TTBK1: variants seen among roughly 807,000 people sequenced by gnomAD.
TTBK1 encodes tau tubulin kinase 1.
A neutral mutation model predicts 108.5 loss-of-function variants in TTBK1; 34 were observed. That is an observed-to-expected ratio of 0.31 (90% confidence interval 0.24 to 0.42). TTBK1 has a LOEUF of 0.42. Among genes scored for constraint, TTBK1 ranks in the 10% least tolerant of loss-of-function variants. The pLI, the probability that TTBK1 is intolerant of heterozygous loss-of-function variation, is 1.00. For synonymous variants in TTBK1, 809 were observed against 795.1 expected (o/e 1.02, Z -0.29); for missense variants, 1,539 against 1,826.0 (o/e 0.84, Z 2.86).
intron 13 of TTBK1, chr6:43,272,574 C>T: frequency 1.0e-6 from 1 of 985,416 alleles, no homozygotes; most frequent in Non-Finnish European, 1.2e-6. Context: ...TTTTGTATAT[C>T]CTCCATGGTG....
chr6:43,259,552 C>T lies in TTBK1; in HGVS notation c.1270C>T (p.Gln424Ter). 1 of 1,594,900 alleles carries T rather than the reference C, an allele frequency of 6.3e-7. No individual in the cohort carries two copies. Among genetic ancestry groups the T allele is most frequent in the Non-Finnish European group, 8.5e-7 (1 of 1,171,234 alleles). Residue 424 changes from glutamine to a stop codon, truncating the protein, a stop_gained, in exon 12 of 15, where the codon CAG becomes TAG. Coordinates refer to ENST00000259750, the MANE Select transcript of TTBK1 (RefSeq NM_032538.3). LOFTEE classifies it high-confidence loss of function. This position sits in a 1 kb window ranked among gnomAD's most constrained non-coding sequence, Gnocchi z 6.7. ...IGKSPCVEEE[Q>*]SRGMGVPSSP... ...GCAGAGCCCCTGTGTGGAGGAGGAACAGAGCCGAGGCATGGGGGTCCCCAG... is the reference window on the plus strand; with the variant it reads ...GCAGAGCCCCTGTGTGGAGGAGGAATAGAGCCGAGGCATGGGGGTCCCCAG...
chr6:43,281,810 G>A (rs1405619702), intron 13 of TTBK1, among the ~76,000 whole-genome samples: 3 of 152,180 alleles, frequency 2.0e-5, no homozygotes, highest in Non-Finnish European at 2.9e-5. Flanking sequence ...GCCCTGATGC[G>A]CCCAGGGCAT....
rs140339775 is a variant in TTBK1 at position 43,253,314 on chromosome 6, A to G, written c.280A>G (p.Ile94Val). Residue 94 changes from isoleucine (I) to valine (V), a missense_variant, in exon 4 of 15, where the codon ATT (isoleucine) becomes GTT (valine). Around this residue, in one of 5 missense-constraint regions of TTBK1, gnomAD observed 155 missense variants for 348.5 expected, o/e 0.44. Transcript: ENST00000259750. This position sits in a 1 kb window ranked among gnomAD's most constrained non-coding sequence, Gnocchi z 5.8. The part of the protein sequence containing the change: ...LQGKDHVCRF[I>V]GCGRNEKFNY... ...AGGGAAGGACCATGTGTGCAGGTTC[A>G]TTGGCTGTGGCAGGAACGAGAAGTT... 6.6e-4 allele frequency: 1,073 copies of G among 1,614,124 alleles called. 1 individual carries two copies. The highest frequency in any genetic ancestry group is 8.3e-4 in the Non-Finnish European group (982 of 1,180,008).
In TTBK1 at chr6:43,258,918, G is replaced by A. The variant is rs1777447418; in HGVS notation, c.1017-120G>A. The stretch of plus-strand genomic sequence containing the variant: ...GCCTAGGGACACTCTCACCCCTGAC[G>A]GGACTGCCTCTGTGCCCGCTCCTGG... On this transcript the variant is annotated intron_variant, in intron 10 of 14. Coordinates refer to ENST00000259750, the MANE Select transcript of TTBK1 (RefSeq NM_032538.3). 8.9e-6 allele frequency: 6 copies of A among 671,610 alleles called. No homozygotes were observed. In the East Asian group the frequency reaches 1.4e-4, roughly 16 times the overall value. 41.6% of individuals were successfully genotyped at this position (671,610 alleles called of 1,614,324 possible).
chr6:43,272,098 T>A, intron 13 of TTBK1: 2 of 985,444 alleles, frequency 2.0e-6, no homozygotes, highest in Non-Finnish European at 2.4e-6. Context: ...CCCAGCCACC[T>A]CCTCTTGCCC....
chr6:43,284,402 A>G, intron 14 of TTBK1, 90 bp downstream of exon 14: 2 of 1,372,642 alleles, frequency 1.5e-6, no homozygotes, highest in South Asian at 1.5e-5. Context: ...GTCAGGGGCT[A>G]TGGAAGATCA....
At position 43,263,357 on chromosome 6, in the gene TTBK1, T is replaced by A. The variant is rs1582495091; in HGVS notation, c.1986+7T>A. On this transcript the variant is annotated splice_region_variant and intron_variant, in intron 13 of 14. Coordinates refer to ENST00000259750, the MANE Select transcript of TTBK1 (RefSeq NM_032538.3). This position sits in a 1 kb window ranked among gnomAD's most constrained non-coding sequence, Gnocchi z 4.7. The stretch of plus-strand genomic sequence containing the variant: ...CACAGGCCCACAGAGACAGGTAAGG[T>A]TGGGCTTGCACCCCACTCCCCATCT... 1 of 1,454,432 alleles carries A rather than the reference T, an allele frequency of 6.9e-7. No homozygotes were observed. The highest frequency in any genetic ancestry group is 9.1e-7 in the Non-Finnish European group (1 of 1,099,920). The allele number at this position is 1,454,432 out of a possible 1,614,324, so 90.1% of individuals were successfully genotyped here.
At chr6:43,272,387 A>G in intron 13 of TTBK1, 1 of 985,460 alleles carries the variant, frequency 1.0e-6, no homozygotes, top group Non-Finnish European at 1.2e-6. Flanking sequence ...GCCTCATTTC[A>G]GCATTACATA....
At chr6:43,254,888 A>G (rs1459570087) in intron 6 of TTBK1, among the ~76,000 whole-genome samples, 161 bp from the exon 7 acceptor site, 2 of 151,994 alleles carry the variant, frequency 1.3e-5, no homozygotes, top group African/African-American at 2.4e-5. Flanking sequence ...GGCAGGGAGC[A>G]GGGTCAGCAG....
Position 43,283,047 on chromosome 6 carries a change from G to A in TTBK1, c.2307G>A (p.Glu769=), listed in dbSNP as rs112372126. ...AAGAAGAGGAGGAGGAGGAAGAGGA[G>A]GAGGAGGCTGCAGCGGCAGTTGCCT... The part of the protein sequence containing the change: ...EEEEEEEEEE[E]EEAAAAVALG... The change falls in exon 14 of 15, where the codon GAG becomes GAA. Residue 769 remains glutamate (E), a synonymous_variant. Transcript: ENST00000259750. This position sits in a 1 kb window ranked among gnomAD's most constrained non-coding sequence, Gnocchi z 8.1. 2 of 1,590,518 alleles carry A rather than the reference G, an allele frequency of 1.3e-6. No individual in the cohort carries two copies. The highest frequency in any genetic ancestry group is 1.1e-5 in the South Asian group (1 of 88,270).
rs931661812 is a variant in TTBK1, at chr6:43,255,459, C to A, written c.643-93C>A. The A allele has an allele frequency of 7.6e-6, 9 of 1,187,092 alleles. No individual in the cohort carries two copies. The African/African-American group carries it at 1.2e-4, about 16-fold the overall frequency. 73.5% of individuals were successfully genotyped at this position (1,187,092 alleles called of 1,614,324 possible). A position where few individuals can be genotyped will look rare whatever the true frequency, so the allele number is the denominator to read the frequency against. The stretch of plus-strand genomic sequence containing the variant: ...TGTCCTTAGGGGCCTGGGTGTCAGG[C>A]CTCCCTGACAGATGCCCCTCAGAGA... On this transcript the variant is annotated intron_variant, in intron 7 of 14. Transcript: ENST00000259750.
chr6:43,283,437 G>C lies in TTBK1; in HGVS notation c.2697G>C (p.Gly899=). 2 of 1,613,702 alleles carry C rather than the reference G, an allele frequency of 1.2e-6. No individual in the cohort carries two copies. The highest frequency in any genetic ancestry group is 1.7e-6 in the Non-Finnish European group (2 of 1,179,814). ...TCAAGTCTGAGCCCAAGCCCCCGGG[G>C]CCTGGGGCAGGGCTGGGGGCCGGGA... ...SVLKSEPKPP[G]PGAGLGAGTV... The change falls in exon 14 of 15, where the codon GGG becomes GGC. Residue 899 remains glycine, a synonymous_variant. Coordinates refer to ENST00000259750, the MANE Select transcript of TTBK1 (RefSeq NM_032538.3). This position sits in a 1 kb window ranked among gnomAD's most constrained non-coding sequence, Gnocchi z 8.1.
Position 43,257,877 on chromosome 6 carries a change from C to T in TTBK1, c.927C>T (p.Asp309=). ...ERGIAENEAF[D]WEKAGTDALL... is the part of the protein sequence containing the mutation. ...GCATTGCCGAGAATGAGGCCTTTGA[C>T]TGGGAGAAGGCAGGCACCGATGCCC... Residue 309 remains aspartate, a synonymous_variant, in exon 10 of 15, where the codon GAC becomes GAT. Coordinates refer to ENST00000259750, the MANE Select transcript of TTBK1 (RefSeq NM_032538.3). The surrounding 1 kb of genome is among the most constrained non-coding windows in gnomAD (Gnocchi z 4.5). 6.2e-7 allele frequency: 1 copy of T among 1,614,008 alleles called. No individual in the cohort carries two copies. The highest frequency in any genetic ancestry group is 8.5e-7 in the Non-Finnish European group (1 of 1,180,000).
Position 43,285,944 on chromosome 6 carries a change from G to C in TTBK1, c.*568G>C, listed in dbSNP as rs933425846. On this transcript the variant is annotated 3_prime_UTR_variant, in exon 15 of 15. Coordinates refer to ENST00000259750, the MANE Select transcript of TTBK1 (RefSeq NM_032538.3). This position sits in a 1 kb window ranked among gnomAD's most constrained non-coding sequence, Gnocchi z 4.7. ...CTGGGAGCCATTGTGGCCAGGGACGGCCTCTGGACTGCCAGGCTGGGTTGG... is the reference window on the plus strand; with the variant it reads ...CTGGGAGCCATTGTGGCCAGGGACGCCCTCTGGACTGCCAGGCTGGGTTGG... 2.0e-5 allele frequency: 3 copies of C among 152,796 alleles called. No homozygotes were observed. In the South Asian group the frequency reaches 6.2e-4, roughly 32 times the overall value. 9.5% of individuals were successfully genotyped at this position (152,796 alleles called of 1,614,324 possible). A position where few individuals can be genotyped will look rare whatever the true frequency, so the allele number is the denominator to read the frequency against.
rs1245863465 is a variant in TTBK1, at chr6:43,284,065, G to C, written c.3325G>C (p.Ala1109Pro). The change falls in exon 14 of 15, where the codon GCC becomes CCC. Residue 1109 changes from alanine to proline, a missense_variant. By Grantham distance (27) the Ala-to-Pro change is conservative. Transcript: ENST00000259750. ...GRLLLRLASGASSSSSEEQRR... is the reference protein window; with the variant it reads ...GRLLLRLASGPSSSSSEEQRR... ...CCTGCTGTTGCGGCTGGCCTCAGGG[G>C]CCTCGTCCTCCTCCAGTGAGGAGCA... 5 of 1,540,090 alleles carry C rather than the reference G, an allele frequency of 3.2e-6. No individual in the cohort carries two copies. The South Asian group carries it at 5.9e-5, about 18-fold the overall frequency.
chr6:43,285,108 C>G lies in TTBK1; in HGVS notation c.3698C>G (p.Pro1233Arg). The G allele has an allele frequency of 6.8e-7, 1 of 1,471,206 alleles. No homozygotes were observed. The highest frequency in any genetic ancestry group is 8.9e-7 in the Non-Finnish European group (1 of 1,119,044). The allele number at this position is 1,471,206 out of a possible 1,614,324, so 91.1% of individuals were successfully genotyped here. The part of the protein sequence containing the change: ...AGARPPAPRS[P>R]RLPASTSAAR... ...GCCAGGCCCCCAGCGCCGCGCAGCC[C>G]GCGCCTCCCCGCGTCCACATCCGCC... The change falls in exon 15 of 15, where the codon CCG becomes CGG. Residue 1233 changes from proline to arginine, a missense_variant. Physicochemically the swap from Pro to Arg is moderately radical, Grantham distance 103. Transcript: ENST00000259750. The surrounding 1 kb of genome is among the most constrained non-coding windows in gnomAD (Gnocchi z 4.7).
chr6:43,254,900 C>A (rs746761565), intron 6 of TTBK1, 149 bp from the exon 7 acceptor site: 2 of 824,042 alleles, frequency 2.4e-6, no homozygotes, highest in Non-Finnish European at 4.1e-6. Flanking sequence ...GGTCAGCAGG[C>A]GGGTTTAGGA....
At chr6:43,255,193 T>TGGGGGGGGGGGGG in intron 7 of TTBK1, 79 bp downstream of exon 7, 2 of 266,432 alleles carry the variant, frequency 7.5e-6, no homozygotes, top group East Asian at 6.7e-5. Flanking sequence ...TGGGGAGGGG[T>TGGGGGGGGGGGGG]GGGGAGAGGA....
intron 13 of TTBK1, chr6:43,272,089 C>G (rs1777849189): frequency 1.2e-5 from 12 of 985,410 alleles, no homozygotes; most frequent in Non-Finnish European, 1.4e-5. Flanking sequence ...ACTGCCTCCC[C>G]CAGCCACCTC....
Sources: allele counts gnomAD v4.1 joint callset (sites outside exome capture counted in the v4.1 genomes callset), GRCh38; gene constraint gnomAD v4.1.1; regional missense constraint gnomAD v4.1.1; non-coding constraint Gnocchi (gnomAD v3.1); transcripts MANE v1.5; gene names NCBI Gene and HGNC (gene_info 2026-07-23, HGNC 2026-07-21).